Variants in NFILZ observed in about 807,000 individuals in gnomAD.
NFILZ encodes NFIL3 like protein.
chr19:8,633,791 C>G (rs565616016), intron 2 of NFILZ, among the ~76,000 whole-genome samples: 1 of 152,118 alleles, frequency 6.6e-6, no homozygotes, highest in Non-Finnish European at 1.5e-5. Context: ...GATGTCGAGG[C>G]TGGACAGGAG....
At chr19:8,656,283 TC>T (rs1555748324) in intron 3 of NFILZ, among the ~76,000 whole-genome samples, 6,627 of 36,542 alleles carry the variant, frequency 0.18, 1,391 homozygotes, top group South Asian at 0.37. Context: ...GCCCACCTTC[TC>T]CCCACAGCCC....
intron 3 of NFILZ, among the ~76,000 whole-genome samples, chr19:8,664,211 G>A (rs1433690882): frequency 6.6e-6 from 1 of 152,168 alleles, no homozygotes; most frequent in East Asian, 1.9e-4. Flanking sequence ...GTATGTACCG[G>A]GTTACCTGTT....
At chr19:8,650,969 T>A (rs2042962434) in intron 3 of NFILZ, among the ~76,000 whole-genome samples, 1 of 152,180 alleles carries the variant, frequency 6.6e-6, no homozygotes, top group Non-Finnish European at 1.5e-5. Context: ...ATCCACTTTC[T>A]TTTTCTTAAA....
intron 3 of NFILZ, among the ~76,000 whole-genome samples, chr19:8,664,160 G>A (rs1178929498): frequency 6.6e-6 from 1 of 152,164 alleles, no homozygotes; most frequent in African/African-American, 2.4e-5. Flanking sequence ...CTTGGAGCTC[G>A]GGTGTCCAAG....
At chr19:8,653,034 TTCTTTCTCTCTCTCTC>T (rs1207730661) in intron 3 of NFILZ, among the ~76,000 whole-genome samples, 33 of 57,504 alleles carry the variant, frequency 5.7e-4, no homozygotes, top group African/African-American at 2.0e-3. Flanking sequence ...CTTTCTTTCT[TTCTTTCTCTCTCTCTC>T]TCTCTCTCTC....
intron 3 of NFILZ, among the ~76,000 whole-genome samples, chr19:8,663,772 A>ATGTGTGTATGTGTGTGTGTG (rs1555749471): frequency 1.3e-5 from 1 of 77,026 alleles, no homozygotes; most frequent in Non-Finnish European, 2.3e-5. Context: ...GTGTGTGTGT[A>ATGTGTGTATGTGTGTGTGTG]TGTATGTGTG....
chr19:8,655,988 C>G (rs568596916), intron 3 of NFILZ, among the ~76,000 whole-genome samples: 5 of 152,128 alleles, frequency 3.3e-5, no homozygotes, highest in African/African-American at 1.2e-4. Context: ...CTGCCCCATC[C>G]AAGCCCTGCT....
At position 8,677,816 on chromosome 19, in the gene NFILZ, T is replaced by C. The variant is rs980701646; in HGVS notation, c.*181T>C. On this transcript the variant is annotated 3_prime_UTR_variant, in exon 6 of 6. Transcript: ENST00000691075. Reference sequence around the variant, plus strand: ...CATACCAGACCTCCTAGGGGTGGAGTGGATGGGAGCCCATCTTGGATTCTA... The same window carrying C: ...CATACCAGACCTCCTAGGGGTGGAGCGGATGGGAGCCCATCTTGGATTCTA... 1.3e-5 allele frequency among the ~76,000 whole-genome samples: 2 copies of C among 151,818 alleles called. No homozygotes were observed. Among genetic ancestry groups the C allele is most frequent in the African/African-American group, 4.8e-5 (2 of 41,286 alleles).
chr19:8,638,838 T>G (rs2042906648), intron 3 of NFILZ, among the ~76,000 whole-genome samples: 2 of 149,854 alleles, frequency 1.3e-5, no homozygotes, highest in Non-Finnish European at 2.9e-5. Context: ...AGGAATTTAC[T>G]TTGCTGTTTT....
chr19:8,660,042 TG>T (rs1289435018), intron 3 of NFILZ, among the ~76,000 whole-genome samples: 1 of 152,134 alleles, frequency 6.6e-6, no homozygotes, highest in African/African-American at 2.4e-5. Flanking sequence ...CACTGCCCTG[TG>T]GGAGGTCCCA....
chr19:8,653,007 C>CTTTCTTTCTTTCTTTCTTTCTTTCTTT (rs1568420430), intron 3 of NFILZ, among the ~76,000 whole-genome samples: 1 of 46,730 alleles, frequency 2.1e-5, no homozygotes, highest in African/African-American at 8.9e-5. Flanking sequence ...TTCCTTCCTT[C>CTTTCTTTCTTTCTTTCTTTCTTTCTTT]CTTCCTTTCT....
intron 3 of NFILZ, among the ~76,000 whole-genome samples, chr19:8,641,523 A>G (rs568358412): frequency 6.6e-6 from 1 of 152,314 alleles, no homozygotes; most frequent in Admixed American, 6.5e-5. Flanking sequence ...TTATCCACAG[A>G]GCCCATTCCA....
At chr19:8,642,103 A>C (rs1257776058) in intron 3 of NFILZ, among the ~76,000 whole-genome samples, 1 of 152,006 alleles carries the variant, frequency 6.6e-6, no homozygotes, top group Non-Finnish European at 1.5e-5. Context: ...TAGCCTCCCA[A>C]AGTGCTGGGA....
At chr19:8,675,707 C>T (rs2043107374) in intron 4 of NFILZ, among the ~76,000 whole-genome samples, 1 of 152,198 alleles carries the variant, frequency 6.6e-6, no homozygotes, top group South Asian at 2.1e-4. Flanking sequence ...TTCAAGGCTG[C>T]AGTGAACTAT....
At chr19:8,654,656 T>A (rs1568420947) in intron 3 of NFILZ, among the ~76,000 whole-genome samples, 1 of 151,646 alleles carries the variant, frequency 6.6e-6, no homozygotes, top group Non-Finnish European at 1.5e-5. Context: ...AAAAGAAAAA[T>A]TAAAAGAAAA....
chr19:8,646,722 C>T (rs759976466), intron 3 of NFILZ, among the ~76,000 whole-genome samples: 23 of 152,188 alleles, frequency 1.5e-4, no homozygotes, highest in Non-Finnish European at 1.8e-4. Flanking sequence ...CAGCCCTCAC[C>T]GAGCTCCTCT....
At chr19:8,634,133 G>A (rs898523638) in intron 2 of NFILZ, among the ~76,000 whole-genome samples, 21 of 151,928 alleles carry the variant, frequency 1.4e-4, no homozygotes, top group African/African-American at 4.8e-4. Flanking sequence ...AAGTAGCTGG[G>A]ACTACAGGTG....
Position 8,633,931 on chromosome 19 carries a change from CTTCCTTCCTTCCTTCCCTCCCTTCT to C in NFILZ, c.-261+1314_-261+1338del, listed in dbSNP as rs1476930960. On this transcript the variant is annotated intron_variant, in intron 2 of 5. Transcript: ENST00000691075. The stretch of plus-strand genomic sequence containing the variant: ...CCTTCCTTCCTTCCTTCCTTCCTTC[CTTCCTTCCTTCCTTCCCTCCCTTCT>C]TTCCTTCTCTCTCTCTCTTTTTTGC... 8.0e-4 allele frequency among the ~76,000 whole-genome samples: 116 copies of C among 145,724 alleles called. 2 individuals are homozygous for C. Among genetic ancestry groups the C allele is most frequent in the African/African-American group, 2.9e-3 (115 of 39,152 alleles).
chr19:8,643,047 T>C (rs1285407745), intron 3 of NFILZ, among the ~76,000 whole-genome samples: 1 of 150,762 alleles, frequency 6.6e-6, no homozygotes, highest in Non-Finnish European at 1.5e-5. Flanking sequence ...CCTCCTAGGC[T>C]CAAGCTCTCC....
Sources: gnomAD v4.1 joint callset for allele counts (sites outside exome capture counted in the v4.1 genomes callset) on GRCh38, gnomAD v4.1.1 for gene constraint, MANE v1.5 for transcripts, NCBI Gene and HGNC (gene_info 2026-07-23, HGNC 2026-07-21) for gene names.